NSMAF: variants seen among roughly 807,000 people sequenced by gnomAD.
NSMAF encodes protein FAN.
Under a neutral mutation model 134.9 loss-of-function variants are expected in NSMAF, and 90 were observed. The ratio of observed to expected loss-of-function variants is 0.67; its 90% CI spans 0.56 to 0.79. The LOEUF is 0.79. Ranked by LOEUF, NSMAF falls within the 30% of genes least tolerant of loss-of-function variation. The probability of loss-of-function intolerance (pLI) is 0.00; values close to 1 mark genes in which losing one functional copy is unlikely to be tolerated. For missense variants in NSMAF, 1,010 were observed against 1,119.0 expected (o/e 0.90, Z 1.39); for synonymous variants, 358 against 389.6 (o/e 0.92, Z 0.96).
At chr8:58,618,975 A>G (rs1468077388) in intron 9 of NSMAF, among the ~76,000 whole-genome samples, 2 of 152,186 alleles carry the variant, frequency 1.3e-5, no homozygotes, top group Non-Finnish European at 2.9e-5. Flanking sequence ...AAACGTTCAC[A>G]GTGAACTATT....
intron 2 of NSMAF, chr8:58,637,128 C>A: frequency 3.2e-6 from 1 of 315,938 alleles, no homozygotes. Flanking sequence ...AGAAGTTATT[C>A]TTTTCTGATG....
chr8:58,625,042 T>G (rs1180393017), intron 6 of NSMAF, among the ~76,000 whole-genome samples: 5 of 152,224 alleles, frequency 3.3e-5, no homozygotes, highest in Non-Finnish European at 5.9e-5. Context: ...AGGATGTTTC[T>G]GGATGAGATT....
At chr8:58,595,174 T>C (rs1239581816) in intron 22 of NSMAF, among the ~76,000 whole-genome samples, 1 of 152,200 alleles carries the variant, frequency 6.6e-6, no homozygotes, top group African/African-American at 2.4e-5. Context: ...TTTTAAAAGG[T>C]GCCTTTTCAC....
chr8:58,631,299 T>A, intron 6 of NSMAF, 197 bp downstream of exon 6: 3 of 364,396 alleles, frequency 8.2e-6, no homozygotes, highest in East Asian at 4.6e-5. Context: ...CTTTTTTTTT[T>A]AAGTCAAAAA....
intron 16 of NSMAF, chr8:58,600,234 G>C: frequency 1.8e-6 from 1 of 569,098 alleles, no homozygotes; most frequent in South Asian, 2.2e-5. Context: ...GTCACATGGC[G>C]GGAGTGGGCA....
At chr8:58,633,187 C>T (rs571710932) in intron 5 of NSMAF, among the ~76,000 whole-genome samples, 8 of 152,224 alleles carry the variant, frequency 5.3e-5, no homozygotes, top group African/African-American at 1.9e-4. Context: ...CCCACAAGGC[C>T]CCGCATGACA....
At chr8:58,658,543 C>T (rs1001254452) in intron 1 of NSMAF, among the ~76,000 whole-genome samples, 1 of 152,216 alleles carries the variant, frequency 6.6e-6, no homozygotes, top group African/African-American at 2.4e-5. Flanking sequence ...GAAGTCTGCA[C>T]TTGTATTCCC....
At chr8:58,615,973 G>C (rs1444645790) in intron 9 of NSMAF, among the ~76,000 whole-genome samples, 1 of 151,784 alleles carries the variant, frequency 6.6e-6, no homozygotes, top group Non-Finnish European at 1.5e-5. Context: ...ATGAAAGAAG[G>C]GTAGATACTA....
intron 6 of NSMAF, among the ~76,000 whole-genome samples, chr8:58,628,122 A>G (rs1806977644): frequency 6.6e-6 from 1 of 152,196 alleles, no homozygotes; most frequent in African/African-American, 2.4e-5. Context: ...GCATACAAAA[A>G]CATACAGTGG....
intron 26 of NSMAF, chr8:58,588,275 T>G (rs371352517): frequency 2.8e-5 from 18 of 644,968 alleles, no homozygotes; most frequent in Non-Finnish European, 4.7e-5. Context: ...AGCATTCAGA[T>G]ATTTTCAGTT....
At chr8:58,644,734 G>C (rs1453180117) in intron 1 of NSMAF, among the ~76,000 whole-genome samples, 2 of 152,190 alleles carry the variant, frequency 1.3e-5, no homozygotes, top group African/African-American at 4.8e-5. Context: ...ATCAATGATA[G>C]ACTGGATAAA....
intron 1 of NSMAF, 61 bp downstream of exon 1, chr8:58,659,512 C>A (rs2129149639): frequency 6.6e-7 from 1 of 1,505,706 alleles, no homozygotes; most frequent in Non-Finnish European, 8.9e-7. Flanking sequence ...CTCCGGCCGG[C>A]GTCCCCACGA....
chr8:58,596,199 T>C (rs1190247108), intron 21 of NSMAF, among the ~76,000 whole-genome samples: 7 of 152,228 alleles, frequency 4.6e-5, no homozygotes, highest in Non-Finnish European at 8.8e-5. Context: ...CATCACAAGA[T>C]AATCCTGTGA....
intron 21 of NSMAF, 81 bp downstream of exon 21, chr8:58,597,306 G>T (rs765024528): frequency 1.4e-4 from 182 of 1,260,598 alleles, no homozygotes; most frequent in Non-Finnish European, 2.0e-4. Context: ...AACAGTATAC[G>T]TCTTATCTCC....
intron 1 of NSMAF, among the ~76,000 whole-genome samples, chr8:58,645,220 C>T (rs370327245): frequency 6.6e-6 from 1 of 151,686 alleles, no homozygotes; most frequent in Non-Finnish European, 1.5e-5. Flanking sequence ...CAATTCTTTT[C>T]CTGATGGGTT....
chr8:58,596,046 A>G (rs543613332), intron 21 of NSMAF: 2 of 181,528 alleles, frequency 1.1e-5, no homozygotes, highest in African/African-American at 2.4e-5. Context: ...GAAAGCAGAG[A>G]TGAAATCAAT....
At chr8:58,622,542 C>T (rs139896943) in intron 9 of NSMAF, among the ~76,000 whole-genome samples, 3 of 152,090 alleles carry the variant, frequency 2.0e-5, no homozygotes, top group Non-Finnish European at 4.4e-5. Flanking sequence ...TACAGGTGCC[C>T]GCCACCATGC....
intron 30 of NSMAF, among the ~76,000 whole-genome samples, chr8:58,585,177 TAAAC>T (rs1462336963): frequency 6.6e-6 from 1 of 152,194 alleles, no homozygotes; most frequent in Non-Finnish European, 1.5e-5. Context: ...ATACTTCACA[TAAAC>T]AATTTAATAC....
At position 58,585,969 on chromosome 8, in the gene NSMAF, A is replaced by G; in HGVS notation, c.2478T>C (p.Asp826=). ...DSRHVLSTGT[D]GCLNVIDVQT... ...GCACATCAATGACATTAAGACAGCC[A>G]TCTGTTCCTGTGCTGAGGACATGGC... The change falls in exon 29 of 31, where the codon GAT becomes GAC. Residue 826 remains aspartate (D), a synonymous_variant. Coordinates refer to ENST00000038176, the MANE Select transcript of NSMAF (RefSeq NM_003580.4). The G allele has an allele frequency of 1.2e-6, 2 of 1,614,078 alleles. No homozygotes were observed. The highest frequency in any genetic ancestry group is 2.2e-5 in the South Asian group (2 of 91,086).
Sources: gnomAD v4.1 joint callset for allele counts (sites outside exome capture counted in the v4.1 genomes callset) on GRCh38, gnomAD v4.1.1 for gene constraint, MANE v1.5 for transcripts, NCBI Gene and HGNC (gene_info 2026-07-23, HGNC 2026-07-21) for gene names.